The following SRGAP2B variants were observed in gnomAD, a reference collection of about 807,000 sequenced individuals.
SRGAP2B encodes SLIT-ROBO Rho GTPase-activating protein 2B.
A neutral mutation model predicts 22.2 loss-of-function variants in SRGAP2B; 9 were observed. That is an observed-to-expected ratio of 0.41 (90% CI 0.24 to 0.71). The LOEUF (loss-of-function observed/expected upper bound fraction) is 0.71, where lower values mean the gene tolerates loss of function less well. SRGAP2B is among the 30% of genes least tolerant of loss of function. The pLI is 0.35. For missense variants in SRGAP2B, 114 were observed against 235.8 expected (o/e 0.48, Z 3.38); for synonymous variants, 36 against 87.4 (o/e 0.41, Z 3.28).
intron 2 of SRGAP2B, among the ~76,000 whole-genome samples, chr1:145,044,480 T>C (rs1212672313): frequency 7.4e-5 from 10 of 134,424 alleles, no homozygotes; most frequent in African/African-American, 2.9e-4. Flanking sequence ...GGAGATAGGG[T>C]GGAGAATTAG....
intron 2 of SRGAP2B, among the ~76,000 whole-genome samples, chr1:145,084,102 TCACTCTTGTTG>T (rs1194266779): frequency 7.2e-6 from 1 of 138,144 alleles, no homozygotes; most frequent in Non-Finnish European, 1.6e-5. Flanking sequence ...AGATGGAGTT[TCACTCTTGTTG>T]CCCAGGCTGG....
At chr1:145,056,993 G>C (rs587729632) in intron 2 of SRGAP2B, among the ~76,000 whole-genome samples, 8 of 132,318 alleles carry the variant, frequency 6.0e-5, no homozygotes, top group Admixed American at 2.3e-4. Flanking sequence ...ACACACACAC[G>C]CAAACTCCTC....
At chr1:144,943,809 T>C (rs1666256269) in intron 4 of SRGAP2B, among the ~76,000 whole-genome samples, 1 of 149,402 alleles carries the variant, frequency 6.7e-6, no homozygotes, top group African/African-American at 2.5e-5. Context: ...CTGAAAACTA[T>C]CCAAATGCCA....
chr1:145,044,519 G>A (rs1333188670), intron 2 of SRGAP2B, among the ~76,000 whole-genome samples: 1 of 145,034 alleles, frequency 6.9e-6, no homozygotes, highest in Non-Finnish European at 1.5e-5. Context: ...CTGTACAAAT[G>A]TAAATGTTTA....
At chr1:144,980,697 C>T (rs1296521175) in intron 3 of SRGAP2B, among the ~76,000 whole-genome samples, 2 of 147,210 alleles carry the variant, frequency 1.4e-5, no homozygotes, top group Admixed American at 6.8e-5. Flanking sequence ...GAACCTATTT[C>T]AACTCTGAAA....
intron 2 of SRGAP2B, among the ~76,000 whole-genome samples, chr1:145,058,153 G>A (rs1553630751): frequency 6.7e-6 from 1 of 149,640 alleles, no homozygotes; most frequent in South Asian, 2.1e-4. Context: ...GTGTGACCAT[G>A]AGCACGTATC....
chr1:144,989,789 G>T (rs1193709683), intron 3 of SRGAP2B, among the ~76,000 whole-genome samples: 1 of 143,486 alleles, frequency 7.0e-6, no homozygotes, highest in East Asian at 2.1e-4. Context: ...GTGCCACCTT[G>T]TATTAAATAC....
At chr1:144,965,297 A>T (rs1260720820) in intron 3 of SRGAP2B, among the ~76,000 whole-genome samples, 1 of 146,776 alleles carries the variant, frequency 6.8e-6, no homozygotes, top group African/African-American at 2.6e-5. Context: ...AGATCTGAGA[A>T]CGGGCAGACT....
chr1:144,967,303 A>G (rs1553612441), intron 3 of SRGAP2B, among the ~76,000 whole-genome samples: 1 of 107,774 alleles, frequency 9.3e-6, no homozygotes. Context: ...CTCAGACCAC[A>G]GTGCAATCAA....
Position 145,064,307 on chromosome 1 carries a change from T to C in SRGAP2B, c.67+28528A>G, listed in dbSNP as rs587740928. On this transcript the variant is annotated intron_variant, in intron 2 of 9. Transcript: ENST00000612199. ...CACTGTTTACTAAGCTCCCCATAGT[T>C]CAAGAGGCCCCTGCAGGGGAAAGAA... Among the ~76,000 whole-genome samples, 436 of 147,898 alleles carry C rather than the reference T, an allele frequency of 2.9e-3. 48 individuals carry two copies. Among genetic ancestry groups the C allele is most frequent in the African/African-American group, 0.011 (396 of 37,710 alleles).
intron 2 of SRGAP2B, among the ~76,000 whole-genome samples, chr1:145,025,116 T>C (rs1553624825): frequency 1.4e-5 from 1 of 72,128 alleles, no homozygotes; most frequent in Admixed American, 1.6e-4. Flanking sequence ...TACACACTGC[T>C]GTCCTCAAGG....
intron 4 of SRGAP2B, among the ~76,000 whole-genome samples, chr1:144,922,822 T>C (rs587612255): frequency 6.6e-6 from 1 of 150,862 alleles, no homozygotes; most frequent in Non-Finnish European, 1.5e-5. Context: ...CTCTCTCCTC[T>C]AGGACAGAAA....
chr1:144,987,849 G>A (rs1329708641), intron 3 of SRGAP2B, among the ~76,000 whole-genome samples: 1 of 150,706 alleles, frequency 6.6e-6, no homozygotes, highest in African/African-American at 2.5e-5. Flanking sequence ...AAAAACAAAA[G>A]TGCTGTTACT....
At chr1:144,990,863 G>A (rs2144195) in intron 3 of SRGAP2B, among the ~76,000 whole-genome samples, 1 of 151,456 alleles carries the variant, frequency 6.6e-6, no homozygotes, top group Admixed American at 6.6e-5. Context: ...TCGATTTCTC[G>A]CTGGGCCTTA....
At chr1:144,912,016 T>C (rs1197531572) in intron 5 of SRGAP2B, among the ~76,000 whole-genome samples, 2 of 144,734 alleles carry the variant, frequency 1.4e-5, no homozygotes, top group East Asian at 4.0e-4. Context: ...AGTGGCACGA[T>C]CTCGGCTCAC....
chr1:145,070,067 T>TA (rs777396929), intron 2 of SRGAP2B, among the ~76,000 whole-genome samples: 8 of 150,418 alleles, frequency 5.3e-5, no homozygotes, highest in Non-Finnish European at 1.0e-4. Context: ...CTGATGGAAT[T>TA]ACCCTGCTAG....
chr1:144,898,638 T>C (rs1662454266), intron 7 of SRGAP2B, among the ~76,000 whole-genome samples: 1 of 149,756 alleles, frequency 6.7e-6, no homozygotes, highest in African/African-American at 2.5e-5. Flanking sequence ...AAGCATCAAA[T>C]TAACTCTCCC....
intron 4 of SRGAP2B, among the ~76,000 whole-genome samples, chr1:144,924,531 G>A (rs1390666479): frequency 2.7e-5 from 4 of 150,388 alleles, no homozygotes; most frequent in Non-Finnish European, 5.9e-5. Flanking sequence ...ACGAGGTCAG[G>A]AGATCGAGAC....
At chr1:144,980,121 T>C (rs1156246238) in intron 3 of SRGAP2B, among the ~76,000 whole-genome samples, 1 of 149,288 alleles carries the variant, frequency 6.7e-6, no homozygotes, top group Admixed American at 6.7e-5. Flanking sequence ...AGCCAACCCT[T>C]TCTTAACTGT....
Sources: allele counts gnomAD v4.1 joint callset (sites outside exome capture counted in the v4.1 genomes callset), GRCh38; gene constraint gnomAD v4.1.1; transcripts MANE v1.5; gene names NCBI Gene and HGNC (gene_info 2026-07-23, HGNC 2026-07-21).